TMPRSS5: variants seen among roughly 807,000 people sequenced by gnomAD.
TMPRSS5 encodes transmembrane serine protease 5.
TMPRSS5 carries 45 observed loss-of-function variants against 59.7 expected under a neutral mutation model. The ratio of observed to expected loss-of-function variants is 0.75; its 90% CI spans 0.59 to 0.97. TMPRSS5 has a LOEUF of 0.97. Among genes scored for constraint, TMPRSS5 ranks in the 50% least tolerant of loss-of-function variants. The pLI is 0.00. For missense variants in TMPRSS5, 585 were observed against 596.7 expected (o/e 0.98, Z 0.20); for synonymous variants, 225 against 232.0 (o/e 0.97, Z 0.27).
At chr11:113,690,987 C>G (rs965359888) in intron 9 of TMPRSS5, 48 bp from the exon 10 acceptor site, 48 of 1,521,154 alleles carry the variant, frequency 3.2e-5, no homozygotes, top group Non-Finnish European at 3.9e-5. Context: ...TTGGCTTCCC[C>G]CACTGCAGAG....
At chr11:113,697,232 C>A in intron 5 of TMPRSS5, 51 bp downstream of exon 5, 2 of 1,575,024 alleles carry the variant, frequency 1.3e-6, no homozygotes, top group Non-Finnish European at 1.7e-6. Flanking sequence ...ATTCCCATCC[C>A]ACACCAGCCA....
rs3802854 is a variant in TMPRSS5 at position 113,700,130 on chromosome 11, C to T, written c.42G>A (p.Gln14=). The T allele has an allele frequency of 0.23, 358,329 of 1,580,100 alleles. 42,200 individuals are homozygous for T. The highest frequency in any genetic ancestry group is 0.32 in the Middle Eastern group (1,801 of 5,606). The part of the protein sequence containing the change: ...MLDDQPPMEA[Q]YAEEGPGPGI... ...CAGGTCCTGGGCCCTCCTCTGCATA[C>T]TGGGCCTCCATAGGGGGTTGGTCAT... The change falls in exon 2 of 13, where the codon CAG becomes CAA. Residue 14 remains glutamine (Q), a synonymous_variant. Transcript: ENST00000299882.
At chr11:113,698,524 G>C (rs1952991330) in intron 4 of TMPRSS5, among the ~76,000 whole-genome samples, 2 of 152,084 alleles carry the variant, frequency 1.3e-5, no homozygotes, top group African/African-American at 4.8e-5. Context: ...GAGAGGGAGA[G>C]TGGGGATGAG....
chr11:113,694,469 G>C lies in TMPRSS5; in HGVS notation c.785+9C>G, dbSNP rs1389035831. On this transcript the variant is annotated intron_variant, in intron 8 of 12. Coordinates refer to ENST00000299882, the MANE Select transcript of TMPRSS5 (RefSeq NM_030770.4). ...AGGCTCTCTGTCCTCAGCAGCCACA[G>C]AGACTTGCCTGTGCATACAATGTGC... The C allele has an allele frequency of 6.4e-7, 1 of 1,558,610 alleles. No individual in the cohort carries two copies. Among genetic ancestry groups the C allele is most frequent in the Non-Finnish European group, 8.7e-7 (1 of 1,150,662 alleles).
chr11:113,700,906 ATGT>A (rs1338423008), intron 1 of TMPRSS5, among the ~76,000 whole-genome samples: 1 of 152,158 alleles, frequency 6.6e-6, no homozygotes, highest in Non-Finnish European at 1.5e-5. Context: ...TGGTTCCCAA[ATGT>A]TGTTCTCATG....
chr11:113,694,842 C>A (rs1952883588), intron 7 of TMPRSS5, among the ~76,000 whole-genome samples: 1 of 152,080 alleles, frequency 6.6e-6, no homozygotes, highest in African/African-American at 2.4e-5. Context: ...AGCTGTGGGC[C>A]CACTGAAAGC....
rs1248389982 is a variant in TMPRSS5, at chr11:113,691,895, T to TTTTTTTTTTTTTTTTTTTTTA, written c.965-957_965-956insTAAAAAAAAAAAAAAAAAAAA. 1.5e-5 allele frequency among the ~76,000 whole-genome samples: 2 copies of TTTTTTTTTTTTTTTTTTTTTA among 137,824 alleles called. 1 individual carries two copies. The highest frequency in any genetic ancestry group is 5.8e-5 in the African/African-American group (2 of 34,610). 90.4% of individuals were successfully genotyped at this position (137,824 alleles called of 152,430 possible). A position where few individuals can be genotyped will look rare whatever the true frequency, so the allele number is the denominator to read the frequency against. On this transcript the variant is annotated intron_variant, in intron 9 of 12. Transcript: ENST00000299882. ...AAGTTTTCTTTTCCTTTTTTTTCTT[T>TTTTTTTTTTTTTTTTTTTTTA]TTTTTTTTTTGAGACGGAGTCTTGC...
rs768403141 is a variant in TMPRSS5 at position 113,698,938 on chromosome 11, C to T, written c.295G>A (p.Glu99Lys). The change falls in exon 4 of 13, where the codon GAG (glutamate) becomes AAG (lysine). Residue 99 changes from glutamate (E) to lysine (K), a missense_variant. Coordinates refer to ENST00000299882, the MANE Select transcript of TMPRSS5 (RefSeq NM_030770.4). ...GGAAGTGCAGGGAGCAGAGCTTCCT[C>T]AGCGCTGGCCTCTGAGCAGCTCAAA... Reference protein sequence around the residue: ...ITLSCSEASAEEALLPALPKT... With the variant: ...ITLSCSEASAKEALLPALPKT... 7 of 1,595,054 alleles carry T rather than the reference C, an allele frequency of 4.4e-6. No individual in the cohort carries two copies. The Admixed American group carries it at 8.7e-5, about 20-fold the overall frequency.
intron 12 of TMPRSS5, among the ~76,000 whole-genome samples, chr11:113,689,083 C>T (rs1952683668): frequency 6.6e-6 from 1 of 152,170 alleles, no homozygotes; most frequent in African/African-American, 2.4e-5. Context: ...ATAGGCCGGG[C>T]ACAGTGGTGC....
At chr11:113,696,059 C>T (rs758515643) in intron 6 of TMPRSS5, among the ~76,000 whole-genome samples, 17 of 152,142 alleles carry the variant, frequency 1.1e-4, no homozygotes, top group Non-Finnish European at 1.9e-4. Flanking sequence ...ATAGCCCTCC[C>T]GGCTCTCCTG....
chr11:113,689,270 C>T (rs1952690327), intron 12 of TMPRSS5, among the ~76,000 whole-genome samples: 1 of 152,020 alleles, frequency 6.6e-6, no homozygotes, highest in Non-Finnish European at 1.5e-5. Context: ...GCAGGAAAAT[C>T]GCTTGAACCC....
Position 113,699,237 on chromosome 11 carries a change from C to CTG in TMPRSS5, c.206-211_206-210insCA, listed in dbSNP as rs1565263449. The stretch of plus-strand genomic sequence containing the variant: ...TCTCTCTCTCTCTCTCTCTCTCTCT[C>CTG]TCTCTCTCTCTCTCTCTCTCTCTCT... On this transcript the variant is annotated intron_variant, in intron 3 of 12. Coordinates refer to ENST00000299882, the MANE Select transcript of TMPRSS5 (RefSeq NM_030770.4). 9.8e-4 allele frequency among the ~76,000 whole-genome samples: 73 copies of CTG among 74,670 alleles called. 2 individuals carry two copies. Among genetic ancestry groups the CTG allele is most frequent in the African/African-American group, 1.5e-3 (19 of 12,418 alleles). The allele number at this position is 74,670 out of a possible 152,430, so 49.0% of individuals were successfully genotyped here.
Position 113,706,236 on chromosome 11 carries a change from G to C in TMPRSS5, c.-12C>G, listed in dbSNP as rs1182904484. The C allele has an allele frequency of 1.9e-6, 3 of 1,601,572 alleles. No homozygotes were observed. The highest frequency in any genetic ancestry group is 2.6e-6 in the Non-Finnish European group (3 of 1,174,250). The stretch of plus-strand genomic sequence containing the variant: ...CGTAACCTTACCATAGGGGTCAGTG[G>C]CACTGTTGTAAAGCCTCAGGGTCTA... On this transcript the variant is annotated 5_prime_UTR_variant, in exon 1 of 13. Coordinates refer to ENST00000299882, the MANE Select transcript of TMPRSS5 (RefSeq NM_030770.4).
At chr11:113,690,814 C>A in intron 10 of TMPRSS5, 27 bp downstream of exon 10, 2 of 1,546,804 alleles carry the variant, frequency 1.3e-6, no homozygotes, top group East Asian at 2.4e-5. Context: ...CCCGCCCCTG[C>A]ACCGAGGGCC....
chr11:113,696,951 A>T lies in TMPRSS5; in HGVS notation c.485T>A (p.Val162Glu). The T allele has an allele frequency of 6.3e-7, 1 of 1,577,620 alleles. No individual in the cohort carries two copies. The highest frequency in any genetic ancestry group is 8.6e-7 in the Non-Finnish European group (1 of 1,160,642). ...GTTGAGTTTGATGTCAGTGAGGTTT[A>T]CTCCCTTGTGGTGAGTGAGTCTTGG... is the stretch of plus-strand genomic sequence containing the variant. ...GHLRLTHHKG[V>E]NLTDIKLNSS... is the part of the protein sequence containing the mutation. The change falls in exon 6 of 13, where the codon GTA becomes GAA. Residue 162 changes from valine to glutamate, a missense_variant. Transcript: ENST00000299882.
chr11:113,690,312 G>A lies in TMPRSS5; in HGVS notation c.1125C>T (p.Asn375=), dbSNP rs374845275. The A allele has an allele frequency of 3.1e-6, 5 of 1,599,762 alleles. No individual in the cohort carries two copies. Among genetic ancestry groups the A allele is most frequent in the Non-Finnish European group, 4.3e-6 (5 of 1,173,990 alleles). The change falls in exon 11 of 13, where the codon AAC becomes AAT. Residue 375 remains asparagine, a synonymous_variant. Coordinates refer to ENST00000299882, the MANE Select transcript of TMPRSS5 (RefSeq NM_030770.4). ...GGGCTCCGCTGTACACGCAAGAGCT[G>A]TTGCAGAGCTGAGTGCTGAACAAGG... ...VVPLFSTQLC[N]SSCVYSGALT...
chr11:113,691,071 C>G, intron 9 of TMPRSS5, 132 bp from the exon 10 acceptor site: 1 of 767,646 alleles, frequency 1.3e-6, no homozygotes, highest in Non-Finnish European at 2.1e-6. Flanking sequence ...CTGGGTTCCA[C>G]CAGCCAGGCC....
intron 8 of TMPRSS5, 155 bp downstream of exon 8, chr11:113,694,323 G>C (rs1262263378): frequency 1.6e-6 from 1 of 618,184 alleles, no homozygotes; most frequent in East Asian, 2.8e-5. Flanking sequence ...ATCTGTTCTT[G>C]ATACTGAATG....
chr11:113,698,950 C>T lies in TMPRSS5; in HGVS notation c.283G>A (p.Glu95Lys). ...AGCAGAGCTTCCTCAGCGCTGGCCT[C>T]TGAGCAGCTCAAAGTTATCTCCTCA... ...QDEEITLSCS[E>K]ASAEEALLPA... Residue 95 changes from glutamate (E) to lysine (K), a missense_variant, in exon 4 of 13, where the codon GAG (glutamate) becomes AAG (lysine). Physicochemically the swap from Glu to Lys is moderately conservative, Grantham distance 56 (BLOSUM62 1). Coordinates refer to ENST00000299882, the MANE Select transcript of TMPRSS5 (RefSeq NM_030770.4). 1 of 1,599,948 alleles carries T rather than the reference C, an allele frequency of 6.3e-7. No individual in the cohort carries two copies. Among genetic ancestry groups the T allele is most frequent in the Non-Finnish European group, 8.5e-7 (1 of 1,173,388 alleles).
Sources: gnomAD v4.1 joint callset for allele counts (sites outside exome capture counted in the v4.1 genomes callset) on GRCh38, gnomAD v4.1.1 for gene constraint, MANE v1.5 for transcripts, NCBI Gene and HGNC (gene_info 2026-07-23, HGNC 2026-07-21) for gene names.